PTPRD: variants seen among roughly 807,000 people sequenced by gnomAD.
PTPRD encodes the protein protein tyrosine phosphatase receptor type D, also known as receptor-type tyrosine-protein phosphatase delta.
Under a neutral mutation model 214.5 loss-of-function variants are expected in PTPRD, and 34 were observed. That is an observed-to-expected ratio of 0.16 (90% CI 0.12 to 0.21). PTPRD has a LOEUF of 0.21. Among genes scored for constraint, PTPRD ranks in the 10% least tolerant of loss-of-function variants. The pLI, the probability that PTPRD is intolerant of heterozygous loss-of-function variation, is 1.00. For synonymous variants in PTPRD, 1,128 were observed against 845.7 expected (o/e 1.33, Z -5.79); for missense variants, 2,545 against 2,398.7 (o/e 1.06, Z -1.27).
intron 8 of PTPRD, among the ~76,000 whole-genome samples, chr9:9,521,447 T>C (rs769748696): frequency 8.5e-5 from 13 of 152,164 alleles, no homozygotes; most frequent in Non-Finnish European, 1.3e-4. Flanking sequence ...CCTGGCAGAT[T>C]ATTACTTCAG....
At position 8,626,743 on chromosome 9, in the gene PTPRD, C is replaced by G. The variant is rs886988146; in HGVS notation, c.352+6574G>C. Among the ~76,000 whole-genome samples, 73 of 151,574 alleles carry G rather than the reference C, an allele frequency of 4.8e-4. 1 individual carries two copies. The highest frequency in any genetic ancestry group is 3.4e-3 in the Admixed American group (51 of 15,178). The stretch of plus-strand genomic sequence containing the variant: ...CATCAGCTTTTTCATGCCTTTGGAC[C>G]CAATCTGAAACATCAGCTCTTCCTA... On this transcript the variant is annotated intron_variant, in intron 14 of 45. Transcript: ENST00000381196.
At chr9:9,820,624 A>G (rs955322715) in intron 5 of PTPRD, among the ~76,000 whole-genome samples, 1 of 152,094 alleles carries the variant, frequency 6.6e-6, no homozygotes, top group East Asian at 1.9e-4. Flanking sequence ...GAGGTCTTAC[A>G]TTTAAATCTT....
chr9:8,900,708 A>G (rs1038027887), intron 11 of PTPRD, among the ~76,000 whole-genome samples: 1 of 152,176 alleles, frequency 6.6e-6, no homozygotes, highest in African/African-American at 2.4e-5. Flanking sequence ...CAAAATGCTG[A>G]GAAAGACAGT....
chr9:9,269,065 G>A (rs182405111), intron 9 of PTPRD, among the ~76,000 whole-genome samples: 1 of 150,540 alleles, frequency 6.6e-6, no homozygotes, highest in Non-Finnish European at 1.5e-5. Flanking sequence ...TCAACAACAT[G>A]AAAAGGAAAT....
intron 3 of PTPRD, among the ~76,000 whole-genome samples, chr9:10,328,812 T>A (rs542796084): frequency 6.6e-6 from 1 of 151,904 alleles, no homozygotes; most frequent in East Asian, 2.0e-4. Context: ...TAATTCCTTT[T>A]GGTTTTATGG....
At chr9:8,359,482 A>C (rs2077913135) in intron 39 of PTPRD, among the ~76,000 whole-genome samples, 1 of 151,952 alleles carries the variant, frequency 6.6e-6, no homozygotes, top group South Asian at 2.1e-4. Flanking sequence ...ATGCCAGCAA[A>C]TTTATAAAAT....
chr9:9,226,298 G>C (rs1009118577), intron 9 of PTPRD, among the ~76,000 whole-genome samples: 5 of 151,732 alleles, frequency 3.3e-5, no homozygotes, highest in African/African-American at 1.2e-4. Flanking sequence ...TCAGATCAAA[G>C]CTATTATTTG....
chr9:9,742,888 C>T (rs189178621), intron 6 of PTPRD, among the ~76,000 whole-genome samples: 1 of 152,224 alleles, frequency 6.6e-6, no homozygotes, highest in Non-Finnish European at 1.5e-5. Context: ...TGTTGTTATG[C>T]ATACTCATTA....
At chr9:8,337,376 C>A (rs1024767017) in intron 43 of PTPRD, among the ~76,000 whole-genome samples, 1 of 151,928 alleles carries the variant, frequency 6.6e-6, no homozygotes, top group Non-Finnish European at 1.5e-5. Flanking sequence ...CCAAACACTG[C>A]ACTCAAAAGT....
intron 9 of PTPRD, among the ~76,000 whole-genome samples, chr9:9,194,268 C>G (rs1387027925): frequency 2.0e-5 from 3 of 152,046 alleles, no homozygotes; most frequent in African/African-American, 4.8e-5. Context: ...CTGCCAGAGG[C>G]TATATTACAG....
chr9:8,688,829 T>A (rs1176986415), intron 12 of PTPRD, among the ~76,000 whole-genome samples: 2 of 152,158 alleles, frequency 1.3e-5, no homozygotes, highest in Non-Finnish European at 2.9e-5. Context: ...AATTTTCTCA[T>A]CCATGAAAAA....
chr9:10,043,429 C>A (rs1210103091), intron 3 of PTPRD, among the ~76,000 whole-genome samples: 3 of 151,808 alleles, frequency 2.0e-5, no homozygotes, highest in Non-Finnish European at 1.5e-5. Flanking sequence ...TTGCAGAAAA[C>A]AAAGGCTGGC....
chr9:9,834,064 G>T (rs2055942232), intron 5 of PTPRD, among the ~76,000 whole-genome samples: 1 of 152,034 alleles, frequency 6.6e-6, no homozygotes, highest in Non-Finnish European at 1.5e-5. Context: ...AGTGATAAGT[G>T]TCCATGAAAT....
chr9:10,583,390 A>G (rs2072713593), intron 2 of PTPRD, among the ~76,000 whole-genome samples: 2 of 151,428 alleles, frequency 1.3e-5, no homozygotes, highest in African/African-American at 4.9e-5. Flanking sequence ...TGGGCTCTTG[A>G]GACTAATGAT....
chr9:10,073,050 T>G (rs1346464698), intron 3 of PTPRD, among the ~76,000 whole-genome samples: 1 of 152,076 alleles, frequency 6.6e-6, no homozygotes, highest in African/African-American at 2.4e-5. Flanking sequence ...TTTTGCTAAG[T>G]GAGCCAAACC....
chr9:10,604,491 C>T lies in PTPRD; in HGVS notation c.-600+7907G>A, dbSNP rs529444495. Among the ~76,000 whole-genome samples the T allele has an allele frequency of 7.2e-5, 11 of 151,792 alleles. No homozygotes were observed. In the South Asian group the frequency reaches 2.3e-3, roughly 31 times the overall value. The stretch of plus-strand genomic sequence containing the variant: ...ATAAAAATAAAAAGGAAGGAATATC[C>T]TCCTGAGGGGCAGGAAAATGGGAGA... On this transcript the variant is annotated intron_variant, in intron 2 of 45. Coordinates refer to ENST00000381196, the MANE Select transcript of PTPRD (RefSeq NM_002839.4).
intron 43 of PTPRD, among the ~76,000 whole-genome samples, chr9:8,332,755 A>T (rs1842730517): frequency 6.6e-6 from 1 of 152,114 alleles, no homozygotes; most frequent in African/African-American, 2.4e-5. Context: ...TTGCCCATCA[A>T]CCTTCTCCCC....
At chr9:9,706,093 T>C (rs892504072) in intron 7 of PTPRD, among the ~76,000 whole-genome samples, 11 of 152,102 alleles carry the variant, frequency 7.2e-5, no homozygotes, top group Admixed American at 6.6e-4. Context: ...CCTGGCACAA[T>C]ACTGAATAAA....
intron 6 of PTPRD, among the ~76,000 whole-genome samples, chr9:9,765,179 AT>A (rs1385815817): frequency 1.3e-5 from 2 of 152,192 alleles, no homozygotes; most frequent in Non-Finnish European, 2.9e-5. Context: ...GGCAAAAAAA[AT>A]ATCTGGGAGA....
Sources: gnomAD v4.1 joint callset for allele counts (sites outside exome capture counted in the v4.1 genomes callset) on GRCh38, gnomAD v4.1.1 for gene constraint, MANE v1.5 for transcripts, NCBI Gene and HGNC (gene_info 2026-07-23, HGNC 2026-07-21) for gene names.